Variants in METTL15 observed in about 807,000 individuals in gnomAD.
The protein encoded by METTL15 is methyltransferase 15, mitochondrial 12S rRNA N4-cytidine.
Under a neutral mutation model 38.3 loss-of-function variants are expected in METTL15, and 34 were observed. The ratio of observed to expected loss-of-function variants is 0.89; its 90% CI spans 0.68 to 1.18. METTL15 has a LOEUF of 1.18. Among genes scored for constraint, METTL15 ranks in the 50% most tolerant of loss-of-function variants. The probability of loss-of-function intolerance (pLI) is 0.00; values close to 1 mark genes in which losing one functional copy is unlikely to be tolerated. For synonymous variants in METTL15, 162 were observed against 170.9 expected, an observed-to-expected ratio of 0.95 and a Z score of 0.41; for missense variants, 438 against 498.4, an observed-to-expected ratio of 0.88 and a Z score of 1.15.
At chr11:28,120,730 T>C (rs1394400608) in intron 3 of METTL15, among the ~76,000 whole-genome samples, 1 of 152,160 alleles carries the variant, frequency 6.6e-6, no homozygotes, top group Non-Finnish European at 1.5e-5. Flanking sequence ...ACTTGCCCTT[T>C]TCCCTGTGAC....
chr11:28,252,974 T>TC (rs998987386), intron 4 of METTL15, among the ~76,000 whole-genome samples: 2 of 152,174 alleles, frequency 1.3e-5, no homozygotes, highest in Non-Finnish European at 2.9e-5. Context: ...CCTCATTCAC[T>TC]CTGCCTCTTG....
intron 3 of METTL15, among the ~76,000 whole-genome samples, chr11:28,119,376 A>T (rs1852112772): frequency 6.6e-6 from 1 of 152,192 alleles, no homozygotes; most frequent in African/African-American, 2.4e-5. Context: ...TAGAAGACAG[A>T]TGTGAGGCAC....
At chr11:28,351,685 T>G (rs1280814915) in intron 3 of METTL15, among the ~76,000 whole-genome samples, 2 of 152,216 alleles carry the variant, frequency 1.3e-5, no homozygotes, top group Non-Finnish European at 2.9e-5. Flanking sequence ...AAATTAAGTG[T>G]AAACTTAAGG....
At chr11:28,373,985 G>A (rs922109091) in intron 5 of METTL15, among the ~76,000 whole-genome samples, 2 of 152,052 alleles carry the variant, frequency 1.3e-5, no homozygotes, top group African/African-American at 4.8e-5. Context: ...TAGTTATGCG[G>A]CGTTATTTCT....
chr11:28,521,542 G>A (rs1851765196), intron 6 of METTL15, among the ~76,000 whole-genome samples: 2 of 152,126 alleles, frequency 1.3e-5, no homozygotes, highest in South Asian at 4.1e-4. Context: ...GGCTTAGGAA[G>A]GTAGGGCCGT....
chr11:28,508,789 C>T (rs1044075750), intron 6 of METTL15, among the ~76,000 whole-genome samples: 2 of 152,092 alleles, frequency 1.3e-5, no homozygotes, highest in African/African-American at 4.8e-5. Context: ...TGTCTGCAAT[C>T]ATTTGGTATT....
intron 3 of METTL15, among the ~76,000 whole-genome samples, chr11:28,114,530 A>C (rs1851859657): frequency 1.3e-5 from 2 of 149,718 alleles, no homozygotes; most frequent in Non-Finnish European, 1.5e-5. Flanking sequence ...GGCTCACTGC[A>C]ACCCCCGCCT....
intron 6 of METTL15, among the ~76,000 whole-genome samples, chr11:28,489,412 A>G (rs1851474834): frequency 6.6e-6 from 1 of 152,322 alleles, no homozygotes; most frequent in Non-Finnish European, 1.5e-5. Flanking sequence ...TCCCAAATCC[A>G]TTCAGCATTC....
chr11:28,398,744 C>A (rs1850599967), intron 5 of METTL15: 1 of 151,966 alleles, frequency 6.6e-6, no homozygotes, highest in African/African-American at 2.4e-5. Flanking sequence ...GAAGTCTTTG[C>A]CCATGCCTGT....
intron 5 of METTL15, chr11:28,399,035 C>G (rs1225314896): frequency 1.3e-5 from 2 of 152,186 alleles, no homozygotes; most frequent in Middle Eastern, 3.4e-3. Flanking sequence ...ATCACACTAC[C>G]TGACTTCAAA....
rs144433026 is a variant in METTL15 at position 28,314,727 on chromosome 11, G to T, written c.779-15669G>T. Among the ~76,000 whole-genome samples, 5 of 152,308 alleles carry T rather than the reference G, an allele frequency of 3.3e-5. No individual in the cohort carries two copies. The East Asian group carries it at 7.7e-4, about 24-fold the overall frequency. ...TGTGTCCCCACTCAAATCTCATCTT[G>T]TAGGTCCCATAATTCCCATGTATTG... On this transcript the variant is annotated intron_variant, in intron 6 of 6. Transcript: ENST00000407364.
At chr11:28,446,838 CACAT>C (rs1851079534) in intron 6 of METTL15, among the ~76,000 whole-genome samples, 2 of 152,036 alleles carry the variant, frequency 1.3e-5, no homozygotes, top group South Asian at 4.1e-4. Context: ...TACCCCTAAT[CACAT>C]TCCCCAAACT....
chr11:28,250,566 TAAA>T (rs35218897), intron 4 of METTL15, among the ~76,000 whole-genome samples: 69,946 of 151,470 alleles, frequency 0.46, 17,606 homozygotes, highest in Admixed American at 0.55. Context: ...CTCCTTTTTT[TAAA>T]AAAAAAAATG....
At chr11:28,180,522 C>A (rs1590117136) in intron 3 of METTL15, among the ~76,000 whole-genome samples, 1 of 151,732 alleles carries the variant, frequency 6.6e-6, no homozygotes, top group East Asian at 1.9e-4. Flanking sequence ...AGGACTAGAA[C>A]TAAGAAGGGC....
intron 5 of METTL15, among the ~76,000 whole-genome samples, chr11:28,417,401 G>A (rs1850782838): frequency 6.6e-6 from 1 of 152,156 alleles, no homozygotes; most frequent in Non-Finnish European, 1.5e-5. Flanking sequence ...AGGTTCAATA[G>A]TTCAGTAATA....
intron 3 of METTL15, chr11:28,164,248 T>A (rs1371543122): frequency 1.3e-5 from 2 of 151,986 alleles, no homozygotes; most frequent in Admixed American, 1.3e-4. Flanking sequence ...AAAACACACA[T>A]TAGGAAGTGA....
At chr11:28,288,590 G>T (rs904507416) in intron 4 of METTL15, among the ~76,000 whole-genome samples, 1 of 151,994 alleles carries the variant, frequency 6.6e-6, no homozygotes, top group African/African-American at 2.4e-5. Context: ...CATGCTCGTG[G>T]TTATAAGTGA....
In METTL15 at chr11:28,269,171, G is replaced by C. The variant is rs764173901; in HGVS notation, c.408-21035G>C. On this transcript the variant is annotated intron_variant, in intron 4 of 6. Transcript: ENST00000407364. The stretch of plus-strand genomic sequence containing the variant: ...GGAGTGTAACAAAGTTTTGACGTCA[G>C]AGTAGCTATTTATTCTACTGGAAAC... 3.9e-5 allele frequency among the ~76,000 whole-genome samples: 6 copies of C among 152,292 alleles called. No homozygotes were observed. The South Asian group carries it at 8.3e-4, about 21-fold the overall frequency.
At chr11:28,111,981 C>T (rs1851738658) in intron 2 of METTL15, among the ~76,000 whole-genome samples, 1 of 152,034 alleles carries the variant, frequency 6.6e-6, no homozygotes, top group Admixed American at 6.5e-5. Context: ...GACATTTTTT[C>T]AATGTCACAT....
Sources: allele counts gnomAD v4.1 joint callset (sites outside exome capture counted in the v4.1 genomes callset), GRCh38; gene constraint gnomAD v4.1.1; transcripts MANE v1.5; gene names NCBI Gene and HGNC (gene_info 2026-07-23, HGNC 2026-07-21).